The following ITPR1 variants were observed in gnomAD, a reference collection of about 807,000 sequenced individuals.
ITPR1 encodes inositol 1,4,5-trisphosphate receptor type 1.
A neutral mutation model predicts 318.4 loss-of-function variants in ITPR1; 96 were observed. The observed-to-expected ratio is 0.30, with a 90% CI of 0.26 to 0.36. The LOEUF (loss-of-function observed/expected upper bound fraction) is 0.36. Among genes scored for constraint, ITPR1 ranks in the 10% least tolerant of loss-of-function variants. The pLI, the probability that ITPR1 is intolerant of heterozygous loss-of-function variation, is 1.00. For synonymous variants in ITPR1, 1,312 were observed against 1,289.9 expected (o/e 1.02, Z -0.37); for missense variants, 2,440 against 3,460.2 (o/e 0.71, Z 7.40).
chr3:4,651,650 C>A (rs1024289737), intron 10 of ITPR1, among the ~76,000 whole-genome samples: 8 of 152,230 alleles, frequency 5.3e-5, no homozygotes, highest in African/African-American at 1.7e-4. Flanking sequence ...TGCTAGTTAA[C>A]TCTGTCATGG....
chr3:4,775,181 A>AAT, intron 46 of ITPR1, 61 bp from the exon 47 acceptor site: 4 of 1,194,438 alleles, frequency 3.3e-6, no homozygotes, highest in Non-Finnish European at 5.0e-6. Context: ...TGGCAGGATG[A>AAT]ATAACGTTTC....
At chr3:4,819,672 C>T (rs977109426) in intron 60 of ITPR1, among the ~76,000 whole-genome samples, 7 of 152,118 alleles carry the variant, frequency 4.6e-5, no homozygotes, top group African/African-American at 9.7e-5. Context: ...GTTAAAGTTA[C>T]GCTCCATGGG....
chr3:4,830,546 C>T (rs1424946204), intron 60 of ITPR1, among the ~76,000 whole-genome samples: 1 of 152,118 alleles, frequency 6.6e-6, no homozygotes, highest in Non-Finnish European at 1.5e-5. Flanking sequence ...ATATTATCTT[C>T]AAGCCTCCTC....
chr3:4,801,006 G>A (rs2048194140), intron 54 of ITPR1, among the ~76,000 whole-genome samples: 2 of 152,158 alleles, frequency 1.3e-5, no homozygotes, highest in Non-Finnish European at 2.9e-5. Context: ...AGAAAAGAGG[G>A]GATAGGTAAG....
intron 36 of ITPR1, among the ~76,000 whole-genome samples, chr3:4,704,295 C>A (rs2125269280): frequency 6.6e-6 from 1 of 152,308 alleles, no homozygotes; most frequent in East Asian, 1.9e-4. Context: ...GCCTGTAATC[C>A]CAGCTACTCA....
At chr3:4,633,389 A>C (rs910087973) in intron 5 of ITPR1, among the ~76,000 whole-genome samples, 4 of 152,168 alleles carry the variant, frequency 2.6e-5, no homozygotes, top group Non-Finnish European at 5.9e-5. Flanking sequence ...TTGGACAGCC[A>C]CTTTGCCTTT....
intron 4 of ITPR1, among the ~76,000 whole-genome samples, chr3:4,526,393 A>C (rs1003664706): frequency 6.6e-6 from 1 of 152,208 alleles, no homozygotes; most frequent in Non-Finnish European, 1.5e-5. Context: ...TTCCCAGTGA[A>C]GTTGGTTTCA....
Position 4,773,373 on chromosome 3 carries a change from T to C in ITPR1, c.5980-1869T>C, listed in dbSNP as rs575793649. On this transcript the variant is annotated intron_variant, in intron 46 of 61. Coordinates refer to ENST00000649015, the MANE Select transcript of ITPR1 (RefSeq NM_001378452.1). ...ATCTCAATTAAATGAAATGAATTCATTGGGAGTGGTAACAGAAGTTTGAGA... is the reference window on the plus strand; with the variant it reads ...ATCTCAATTAAATGAAATGAATTCACTGGGAGTGGTAACAGAAGTTTGAGA... Among the ~76,000 whole-genome samples the C allele has an allele frequency of 2.1e-4, 32 of 152,292 alleles. 1 individual carries two copies. In the South Asian group the frequency reaches 6.0e-3, roughly 29 times the overall value.
At chr3:4,819,236 G>A (rs1236888821) in intron 60 of ITPR1, among the ~76,000 whole-genome samples, 1 of 152,254 alleles carries the variant, frequency 6.6e-6, no homozygotes, top group Non-Finnish European at 1.5e-5. Flanking sequence ...TTACGTGGTT[G>A]TGTTTGCTGA....
At position 4,732,786 on chromosome 3, in the gene ITPR1, C is replaced by T. The variant is rs192459243; in HGVS notation, c.5221-302C>T. On this transcript the variant is annotated intron_variant, in intron 42 of 61. Transcript: ENST00000649015. ...TTTGTCTTAATTTTATCAACTTACC[C>T]CAAAGAGATTTTTGTTTGTTATTGT... Among the ~76,000 whole-genome samples, 8 of 152,206 alleles carry T rather than the reference C, an allele frequency of 5.3e-5. No individual in the cohort carries two copies. The East Asian group carries it at 1.5e-3, about 29-fold the overall frequency.
In ITPR1 at chr3:4,667,530, C is replaced by A. The variant is rs374124279; in HGVS notation, c.1867C>A (p.Arg623=). The A allele has an allele frequency of 2.4e-5, 38 of 1,612,870 alleles. No individual in the cohort carries two copies. Among genetic ancestry groups the A allele is most frequent in the Non-Finnish European group, 3.1e-5 (37 of 1,179,420 alleles). The change falls in exon 18 of 62, where the codon CGA becomes AGA. Residue 623 remains arginine (R), a synonymous_variant. Coordinates refer to ENST00000649015, the MANE Select transcript of ITPR1 (RefSeq NM_001378452.1). ...GATTGACACATTTGTCAGCCTGGTG[C>A]GAAAGAACAGGGAGCCCAGGTGAGG... ...AEIDTFVSLV[R]KNREPRFLDY... is the part of the protein sequence containing the mutation.
intron 44 of ITPR1, among the ~76,000 whole-genome samples, chr3:4,761,366 G>A (rs960877940): frequency 6.6e-6 from 1 of 152,110 alleles, no homozygotes; most frequent in African/African-American, 2.4e-5. Flanking sequence ...GTAGTATTTG[G>A]TTTTCTGCTC....
chr3:4,774,381 G>A (rs2046360402), intron 46 of ITPR1, among the ~76,000 whole-genome samples: 1 of 152,220 alleles, frequency 6.6e-6, no homozygotes, highest in Admixed American at 6.5e-5. Context: ...TCATAGAAGT[G>A]GAAATTACTG....
rs374580106 is a variant in ITPR1 at position 4,705,781 on chromosome 3, C to G, written c.4658-386C>G. Among the ~76,000 whole-genome samples the G allele has an allele frequency of 9.2e-5, 14 of 152,222 alleles. No homozygotes were observed. In the East Asian group the frequency reaches 9.6e-4, roughly 10 times the overall value. On this transcript the variant is annotated intron_variant, in intron 36 of 61. Transcript: ENST00000649015. ...GCATTTTTGTAGATTGTTGAACAAA[C>G]CTGAAAAATAACTAGCAAATGATTC...
intron 4 of ITPR1, among the ~76,000 whole-genome samples, chr3:4,626,183 T>C (rs1007156348): frequency 1.4e-5 from 2 of 145,940 alleles, no homozygotes; most frequent in Non-Finnish European, 3.0e-5. Context: ...CCCTAAACTT[T>C]CTGTGTGTGT....
intron 44 of ITPR1, among the ~76,000 whole-genome samples, chr3:4,736,690 T>C (rs1262466194): frequency 6.6e-6 from 1 of 152,202 alleles, no homozygotes; most frequent in African/African-American, 2.4e-5. Flanking sequence ...CATGTGTGTG[T>C]GGGTGGGTCC....
rs75093007 is a variant in ITPR1 at position 4,547,035 on chromosome 3, C to T, written c.163+25941C>T. ...TGACCTGTCTGGGCCTTTGCTGCTT[C>T]ATCTGTGGCATGAACACGTTGGACT... is the stretch of plus-strand genomic sequence containing the variant. On this transcript the variant is annotated intron_variant, in intron 4 of 61. Coordinates refer to ENST00000649015, the MANE Select transcript of ITPR1 (RefSeq NM_001378452.1). Among the ~76,000 whole-genome samples the T allele has an allele frequency of 1.5e-3, 234 of 152,270 alleles. 1 individual carries two copies. The highest frequency in any genetic ancestry group is 5.4e-3 in the African/African-American group (226 of 41,542).
chr3:4,761,410 C>T lies in ITPR1; in HGVS notation c.5545-5120C>T, dbSNP rs147029111. 9.5e-3 allele frequency among the ~76,000 whole-genome samples: 1,452 copies of T among 152,366 alleles called. 8 individuals are homozygous for T. The highest frequency in any genetic ancestry group is 0.015 in the Non-Finnish European group (1,039 of 68,030). On this transcript the variant is annotated intron_variant, in intron 44 of 61. Coordinates refer to ENST00000649015, the MANE Select transcript of ITPR1 (RefSeq NM_001378452.1). ...ATTTGCTTAGGAAAATGACCCCCAG[C>T]TGCATCCATTTTGCTGCAGAGGACC...
intron 4 of ITPR1, among the ~76,000 whole-genome samples, chr3:4,552,308 C>A (rs531510635): frequency 1.3e-5 from 2 of 152,268 alleles, no homozygotes; most frequent in Admixed American, 1.3e-4. Context: ...AAGAATGCCC[C>A]ACCTCCCACC....
Sources: allele counts gnomAD v4.1 joint callset (sites outside exome capture counted in the v4.1 genomes callset), GRCh38; gene constraint gnomAD v4.1.1; transcripts MANE v1.5; gene names NCBI Gene and HGNC (gene_info 2026-07-23, HGNC 2026-07-21).